The following CEP63 variants were observed in gnomAD, a reference collection of about 807,000 sequenced individuals.
The protein encoded by CEP63 is centrosomal protein 63.
In CEP63, 84 loss-of-function variants were observed where a neutral mutation model predicts 89.1. The ratio of observed to expected loss-of-function variants is 0.94; its 90% CI spans 0.79 to 1.13. The LOEUF is 1.13. Among genes scored for constraint, CEP63 ranks in the 50% most tolerant of loss-of-function variants. The pLI is 0.00. For synonymous variants in CEP63, 267 were observed against 272.5 expected (o/e 0.98, Z 0.20); for missense variants, 838 against 813.3 (o/e 1.03, Z -0.37).
chr3:134,548,494 G>A (rs925538608), intron 9 of CEP63, among the ~76,000 whole-genome samples: 2 of 152,222 alleles, frequency 1.3e-5, no homozygotes, highest in South Asian at 2.1e-4. Flanking sequence ...TTTTGATTGG[G>A]AAGAGTGTGA....
At chr3:134,527,875 G>A (rs572986978) in intron 3 of CEP63, among the ~76,000 whole-genome samples, 15 of 152,146 alleles carry the variant, frequency 9.9e-5, no homozygotes, top group East Asian at 1.9e-4. Flanking sequence ...TGCAGAGTTC[G>A]GGTCCAACAG....
the CEP63 span, chr3:134,610,413 G>A: frequency 1.3e-6 from 2 of 1,586,794 alleles, no homozygotes; most frequent in African/African-American, 1.4e-5. Context: ...TCTGAGAGGG[G>A]GATCCCGCTG....
the CEP63 span, chr3:134,603,419 A>G: frequency 6.2e-6 from 4 of 649,360 alleles, 1 homozygote; most frequent in Admixed American, 1.2e-4. Flanking sequence ...CAGAACACAA[A>G]GATCACAGCT....
the CEP63 span, among the ~76,000 whole-genome samples, chr3:134,698,073 T>C: frequency 2.6e-5 from 4 of 152,168 alleles, no homozygotes; most frequent in African/African-American, 7.2e-5. Context: ...GATGGGATGG[T>C]GGAGACATGG....
the CEP63 span, chr3:134,620,907 TG>T: frequency 4.4e-6 from 5 of 1,147,336 alleles, no homozygotes; most frequent in East Asian, 2.5e-5. Flanking sequence ...GAGGGGCTGT[TG>T]GGGGCCCAGC....
the CEP63 span, chr3:134,650,856 C>A: frequency 6.2e-7 from 1 of 1,608,230 alleles, no homozygotes; most frequent in Non-Finnish European, 8.5e-7. Flanking sequence ...AGCTCGGGTT[C>A]GCCTGCTGGT....
At chr3:134,620,698 G>T in the CEP63 span, 1 of 1,314,400 alleles carries the variant, frequency 7.6e-7, no homozygotes, top group Non-Finnish European at 1.1e-6. Flanking sequence ...GAGGCCTGCA[G>T]GGAATGGAAG....
the CEP63 span, chr3:134,603,412 A>G: frequency 1.6e-6 from 1 of 627,196 alleles, no homozygotes; most frequent in Non-Finnish European, 2.7e-6. Context: ...AAGCCTTCAG[A>G]ACACAAAGAT....
At chr3:134,530,963 T>C (rs1442278690) in intron 3 of CEP63, among the ~76,000 whole-genome samples, 3 of 152,166 alleles carry the variant, frequency 2.0e-5, no homozygotes, top group Non-Finnish European at 2.9e-5. Flanking sequence ...TTAAAAGAAA[T>C]ACTGCTGGAT....
chr3:134,520,069 G>C (rs1022757482), intron 3 of CEP63, among the ~76,000 whole-genome samples: 1 of 152,120 alleles, frequency 6.6e-6, no homozygotes, highest in African/African-American at 2.4e-5. Context: ...TGTTATTGTA[G>C]TGGAGGTGTA....
At chr3:134,748,654 G>A in the CEP63 span, among the ~76,000 whole-genome samples, 3 of 152,192 alleles carry the variant, frequency 2.0e-5, no homozygotes, top group Non-Finnish European at 4.4e-5. Context: ...AAGCCCCCAT[G>A]CCTGTATGCT....
At chr3:134,534,200 T>A (rs1041115657) in intron 5 of CEP63, among the ~76,000 whole-genome samples, 1 of 152,198 alleles carries the variant, frequency 6.6e-6, no homozygotes, top group Non-Finnish European at 1.5e-5. Context: ...ACTCTTATCA[T>A]AACTTTGAGG....
chr3:134,760,845 C>T, the CEP63 span, among the ~76,000 whole-genome samples: 7 of 152,208 alleles, frequency 4.6e-5, no homozygotes, highest in East Asian at 5.8e-4. Context: ...GGGGCACCTC[C>T]GGACTTGGAG....
At chr3:134,767,586 C>T in the CEP63 span, among the ~76,000 whole-genome samples, 3 of 152,232 alleles carry the variant, frequency 2.0e-5, no homozygotes, top group South Asian at 4.1e-4. Flanking sequence ...CGCAAGGAGC[C>T]CTGCATTTTC....
At chr3:134,486,425 C>G (rs952950618) in intron 1 of CEP63, 21 of 985,380 alleles carry the variant, frequency 2.1e-5, no homozygotes, top group Non-Finnish European at 2.4e-5. Context: ...CCCAGTCCCT[C>G]GGCCTGGCCC....
chr3:134,538,531 G>GTATATATATA lies in CEP63; in HGVS notation c.555+1264_555+1265insATATATATAT, dbSNP rs138354332. On this transcript the variant is annotated intron_variant, in intron 6 of 14. Transcript: ENST00000675561. The stretch of plus-strand genomic sequence containing the variant: ...AGACCTAATAAGAAATTGTGTGTGT[G>GTATATATATA]TGTATATATATATATATATATATGT... 4.3e-3 allele frequency among the ~76,000 whole-genome samples: 433 copies of GTATATATATA among 99,594 alleles called. 19 individuals are homozygous for GTATATATATA. Among genetic ancestry groups the GTATATATATA allele is most frequent in the East Asian group, 6.4e-3 (16 of 2,482 alleles). The allele number at this position is 99,594 out of a possible 152,430, so 65.3% of individuals were successfully genotyped here. A position where few individuals can be genotyped will look rare whatever the true frequency, so the allele number is the denominator to read the frequency against.
chr3:134,554,197 A>G (rs892558603), intron 12 of CEP63, among the ~76,000 whole-genome samples: 16 of 151,732 alleles, frequency 1.1e-4, no homozygotes, highest in African/African-American at 3.6e-4. Context: ...CTCGTTATCT[A>G]GCATTAGGTA....
chr3:134,779,333 A>G, the CEP63 span, among the ~76,000 whole-genome samples: 1 of 152,186 alleles, frequency 6.6e-6, no homozygotes, highest in Non-Finnish European at 1.5e-5. Context: ...TTGCTCCTGT[A>G]TAAGAATACA....
intron 6 of CEP63, among the ~76,000 whole-genome samples, chr3:134,543,249 C>A (rs1253652152): frequency 1.3e-5 from 2 of 152,076 alleles, no homozygotes; most frequent in Non-Finnish European, 2.9e-5. Flanking sequence ...AAATCTTCAA[C>A]TGAATTTGTA....
Sources: gnomAD v4.1 joint callset for allele counts (sites outside exome capture counted in the v4.1 genomes callset) on GRCh38, gnomAD v4.1.1 for gene constraint, MANE v1.5 for transcripts, NCBI Gene and HGNC (gene_info 2026-07-23, HGNC 2026-07-21) for gene names.